The following CDH20 variants were observed in gnomAD, a reference collection of about 807,000 sequenced individuals.
CDH20 encodes cadherin-20.
A neutral mutation model predicts 74.2 loss-of-function variants in CDH20; 29 were observed. The observed-to-expected ratio is 0.39, with a 90% CI of 0.29 to 0.53. The LOEUF is 0.53. CDH20 is among the 20% of genes least tolerant of loss of function. The pLI is 0.69. For synonymous variants in CDH20, 469 were observed against 405.4 expected (o/e 1.16, Z -1.88); for missense variants, 988 against 1,048.3 (o/e 0.94, Z 0.79).
chr18:61,469,483 C>T (rs1189111175), intron 1 of CDH20, among the ~76,000 whole-genome samples: 2 of 152,076 alleles, frequency 1.3e-5, no homozygotes, highest in South Asian at 2.1e-4. Context: ...TCAGCAGTTT[C>T]GAAACAACAG....
intron 1 of CDH20, among the ~76,000 whole-genome samples, chr18:61,394,699 GC>G (rs1911905148): frequency 6.6e-6 from 1 of 152,182 alleles, no homozygotes; most frequent in Middle Eastern, 3.4e-3. Context: ...TATGCTCACT[GC>G]TTTACCACTT....
intron 1 of CDH20, among the ~76,000 whole-genome samples, chr18:61,429,287 C>T (rs993810827): frequency 6.6e-6 from 1 of 152,140 alleles, no homozygotes; most frequent in South Asian, 2.1e-4. Flanking sequence ...CAGACACAGA[C>T]CATTGTACTG....
intron 1 of CDH20, among the ~76,000 whole-genome samples, chr18:61,341,296 C>T (rs944512158): frequency 2.0e-5 from 3 of 152,188 alleles, no homozygotes; most frequent in Non-Finnish European, 1.5e-5. Flanking sequence ...AGACTGCTAT[C>T]ATCTCATTGT....
At chr18:61,454,370 G>C (rs2052925161) in intron 1 of CDH20, among the ~76,000 whole-genome samples, 1 of 152,184 alleles carries the variant, frequency 6.6e-6, no homozygotes, top group African/African-American at 2.4e-5. Context: ...AATGAAAGCA[G>C]TGTTTGAGTT....
chr18:61,495,236 C>T (rs1911094771), intron 2 of CDH20, among the ~76,000 whole-genome samples: 1 of 152,214 alleles, frequency 6.6e-6, no homozygotes. Context: ...ATTTTTATTA[C>T]ACCGCCAATT....
chr18:61,542,211 A>G (rs551698), intron 9 of CDH20, among the ~76,000 whole-genome samples: 144,085 of 152,230 alleles, frequency 0.95, 68,508 homozygotes, highest in Non-Finnish European at 0.99. Context: ...GTCTCCAGGC[A>G]GGATAGGACA....
intron 6 of CDH20, among the ~76,000 whole-genome samples, chr18:61,510,226 G>A (rs1055129685): frequency 6.6e-5 from 10 of 152,256 alleles, no homozygotes; most frequent in Admixed American, 1.3e-4. Flanking sequence ...AACGAGCCCT[G>A]AGGCACACCA....
intron 1 of CDH20, among the ~76,000 whole-genome samples, chr18:61,402,639 A>G (rs1912194084): frequency 6.6e-6 from 1 of 152,212 alleles, no homozygotes; most frequent in Admixed American, 6.5e-5. Flanking sequence ...ATAGGATTCC[A>G]GGTACTATAA....
intron 1 of CDH20, among the ~76,000 whole-genome samples, chr18:61,476,466 T>G (rs1302145555): frequency 6.6e-6 from 1 of 152,134 alleles, no homozygotes; most frequent in Non-Finnish European, 1.5e-5. Flanking sequence ...CATAGAAAAC[T>G]GTGAAAATTA....
chr18:61,535,742 T>C lies in CDH20; in HGVS notation c.1272-751T>C, dbSNP rs149618921. 3.2e-3 allele frequency among the ~76,000 whole-genome samples: 480 copies of C among 152,306 alleles called. 1 individual carries two copies. The highest frequency in any genetic ancestry group is 7.9e-3 in the South Asian group (38 of 4,824). The stretch of plus-strand genomic sequence containing the variant: ...GACTGAACATGAAAAGTAGAAGCAA[T>C]GGACGAAGTGCATTGCTCGAACGCA... On this transcript the variant is annotated intron_variant, in intron 7 of 11. Transcript: ENST00000262717.
intron 1 of CDH20, among the ~76,000 whole-genome samples, chr18:61,339,585 A>G (rs1909871313): frequency 6.6e-6 from 1 of 152,232 alleles, no homozygotes; most frequent in South Asian, 2.1e-4. Context: ...TCATGACTAA[A>G]TAACTGCATG....
At chr18:61,455,266 A>T (rs1160060239) in intron 1 of CDH20, among the ~76,000 whole-genome samples, 1 of 152,216 alleles carries the variant, frequency 6.6e-6, no homozygotes, top group East Asian at 1.9e-4. Flanking sequence ...AGGATCCTGG[A>T]TTGAATCTTG....
At chr18:61,369,925 G>T (rs945412320) in intron 1 of CDH20, among the ~76,000 whole-genome samples, 4 of 152,040 alleles carry the variant, frequency 2.6e-5, no homozygotes, top group Non-Finnish European at 2.9e-5. Flanking sequence ...GGTGGAAGGT[G>T]GGAGGAGGGA....
chr18:61,342,884 A>G (rs1453302624), intron 1 of CDH20, among the ~76,000 whole-genome samples: 1 of 152,218 alleles, frequency 6.6e-6, no homozygotes, highest in East Asian at 1.9e-4. Context: ...AAAATCATTA[A>G]GTCAACATGC....
intron 1 of CDH20, among the ~76,000 whole-genome samples, chr18:61,477,941 C>G (rs1479995241): frequency 1.3e-5 from 2 of 152,112 alleles, no homozygotes; most frequent in Non-Finnish European, 2.9e-5. Flanking sequence ...TGGCTCACTC[C>G]TGTAATCCCA....
chr18:61,459,727 A>G (rs1348965898), intron 1 of CDH20, among the ~76,000 whole-genome samples: 1 of 152,152 alleles, frequency 6.6e-6, no homozygotes, highest in East Asian at 1.9e-4. Flanking sequence ...TGCACTTTCA[A>G]GTCCGAGAAA....
chr18:61,425,415 AG>A (rs905800231), intron 1 of CDH20, among the ~76,000 whole-genome samples: 28 of 152,176 alleles, frequency 1.8e-4, no homozygotes, highest in Non-Finnish European at 4.4e-5. Context: ...GGAACGGCTG[AG>A]GGGGCAGAGG....
At chr18:61,512,714 G>A (rs540921945) in intron 6 of CDH20, among the ~76,000 whole-genome samples, 13 of 151,948 alleles carry the variant, frequency 8.6e-5, no homozygotes, top group Admixed American at 2.6e-4. Flanking sequence ...CTTTGTTCTC[G>A]TTGGTTTCAA....
Position 61,555,504 on chromosome 18 carries a change from G to A in CDH20, c.*809G>A. 7.1e-6 allele frequency: 7 copies of A among 985,430 alleles called. No homozygotes were observed. Among genetic ancestry groups the A allele is most frequent in the African/African-American group, 1.7e-5 (1 of 57,350 alleles). The allele number at this position is 985,430 out of a possible 1,614,324, so 61.0% of individuals were successfully genotyped here. A position where few individuals can be genotyped will look rare whatever the true frequency, so the allele number is the denominator to read the frequency against. ...GTCTCTTCCATGTGCCAAATGTGGA[G>A]ATTAGATGCTACAAATGAAAGCCAA... On this transcript the variant is annotated 3_prime_UTR_variant, in exon 12 of 12. Transcript: ENST00000262717.
Sources: allele counts gnomAD v4.1 joint callset (sites outside exome capture counted in the v4.1 genomes callset), GRCh38; gene constraint gnomAD v4.1.1; transcripts MANE v1.5; gene names NCBI Gene and HGNC (gene_info 2026-07-23, HGNC 2026-07-21).